Variants in IPP observed in about 807,000 individuals in gnomAD.
IPP encodes actin-binding protein IPP.
Under a neutral mutation model 64.1 loss-of-function variants are expected in IPP, and 41 were observed. That is an observed-to-expected ratio of 0.64 (90% CI 0.50 to 0.83). IPP has a LOEUF of 0.83. Ranked by LOEUF, IPP falls within the 40% of genes least tolerant of loss-of-function variation. The pLI, the probability that IPP is intolerant of heterozygous loss-of-function variation, is 0.00. For synonymous variants in IPP, 214 were observed against 235.2 expected, an observed-to-expected ratio of 0.91 and a Z score of 0.83; for missense variants, 649 against 703.0, an observed-to-expected ratio of 0.92 and a Z score of 0.87.
intron 8 of IPP, among the ~76,000 whole-genome samples, chr1:45,713,105 AAGAATCT>A (rs984677395): frequency 2.6e-5 from 4 of 152,186 alleles, no homozygotes; most frequent in African/African-American, 9.6e-5. Context: ...CTTCCACTTT[AAGAATCT>A]AGAAAAAAAG....
intron 7 of IPP, 26 bp downstream of exon 7, chr1:45,716,869 G>A: frequency 6.3e-7 from 1 of 1,585,960 alleles, no homozygotes; most frequent in East Asian, 2.3e-5. Flanking sequence ...TACATTTTGA[G>A]GAAAAATATT....
intron 5 of IPP, among the ~76,000 whole-genome samples, chr1:45,724,821 G>A (rs1000860229): frequency 1.3e-5 from 2 of 150,438 alleles, no homozygotes; most frequent in Non-Finnish European, 3.0e-5. Context: ...CCCTCCGTCC[G>A]GCAGCCACCC....
chr1:45,744,561 C>T (rs1646109751), intron 2 of IPP, among the ~76,000 whole-genome samples: 1 of 152,028 alleles, frequency 6.6e-6, no homozygotes, highest in Non-Finnish European at 1.5e-5. Flanking sequence ...TTTTTTTTGG[C>T]TAGGCGTAGT....
At chr1:45,708,508 G>A (rs552474783) in intron 8 of IPP, among the ~76,000 whole-genome samples, 31 of 149,814 alleles carry the variant, frequency 2.1e-4, no homozygotes, top group Non-Finnish European at 3.4e-4. Flanking sequence ...GTGAAACCCC[G>A]TCTTTAGGAA....
intron 3 of IPP, 49 bp downstream of exon 3, chr1:45,740,852 C>T (rs1196353729): frequency 4.2e-6 from 5 of 1,190,604 alleles, no homozygotes; most frequent in Admixed American, 4.8e-5. Flanking sequence ...TCAGAGAACA[C>T]ATCACTGGAT....
chr1:45,698,545 C>A (rs371791189), downstream of IPP, among the ~76,000 whole-genome samples: 23 of 152,176 alleles, frequency 1.5e-4, no homozygotes, highest in African/African-American at 5.5e-4. Context: ...GAAGTACCTA[C>A]AATTTAGCCC....
chr1:45,702,025 A>G (rs1463784008), intron 8 of IPP, among the ~76,000 whole-genome samples: 2 of 152,236 alleles, frequency 1.3e-5, no homozygotes, highest in Non-Finnish European at 2.9e-5. Flanking sequence ...ACTGAAAAAT[A>G]CTTACATTTT....
chr1:45,717,792 C>T (rs368406239), intron 6 of IPP, among the ~76,000 whole-genome samples: 1 of 152,230 alleles, frequency 6.6e-6, no homozygotes, highest in South Asian at 2.1e-4. Flanking sequence ...GGATTACAGG[C>T]GTAAGCCACC....
chr1:45,744,732 G>A (rs555070964), intron 2 of IPP, among the ~76,000 whole-genome samples: 32 of 151,600 alleles, frequency 2.1e-4, no homozygotes, highest in South Asian at 1.0e-3. Context: ...CCAGCTACTC[G>A]GGAGGCTGAG....
chr1:45,725,053 C>A (rs1317524948), intron 5 of IPP, among the ~76,000 whole-genome samples: 7 of 139,818 alleles, frequency 5.0e-5, no homozygotes, highest in African/African-American at 1.9e-4. Flanking sequence ...CCGCCCCGTC[C>A]GGGAGGGAGG....
chr1:45,703,611 C>T (rs1207480402), intron 8 of IPP, among the ~76,000 whole-genome samples: 1 of 151,734 alleles, frequency 6.6e-6, no homozygotes, highest in African/African-American at 2.4e-5. Context: ...TAAAGAAGTC[C>T]TGTGGTAAAG....
chr1:45,738,854 A>C (rs28508337), intron 3 of IPP, among the ~76,000 whole-genome samples: 140 of 107,144 alleles, frequency 1.3e-3, no homozygotes, highest in South Asian at 1.7e-3. Flanking sequence ...AAAAAAAAAA[A>C]AAAAAAAAAA....
chr1:45,727,299 C>T (rs985745238), intron 5 of IPP, among the ~76,000 whole-genome samples: 5 of 152,168 alleles, frequency 3.3e-5, no homozygotes, highest in African/African-American at 9.7e-5. Context: ...ATCCGCCTGC[C>T]TTGGCTTCCA....
intron 5 of IPP, among the ~76,000 whole-genome samples, chr1:45,723,940 T>G (rs1362065342): frequency 6.6e-6 from 1 of 151,816 alleles, no homozygotes; most frequent in Non-Finnish European, 1.5e-5. Context: ...GGCAGGAGAA[T>G]CACTTGAGCT....
intron 6 of IPP, among the ~76,000 whole-genome samples, chr1:45,717,376 T>C (rs1369291548): frequency 6.6e-6 from 1 of 152,202 alleles, no homozygotes; most frequent in Non-Finnish European, 1.5e-5. Flanking sequence ...AAATTACTTC[T>C]GGCTATTTAG....
At chr1:45,716,549 T>C (rs1645662320) in intron 7 of IPP, among the ~76,000 whole-genome samples, 1 of 152,166 alleles carries the variant, frequency 6.6e-6, no homozygotes, top group South Asian at 2.1e-4. Flanking sequence ...CCAAAAACTG[T>C]TTCTGATACT....
At chr1:45,732,351 G>A in intron 3 of IPP, among the ~76,000 whole-genome samples, 1 of 81,326 alleles carries the variant, frequency 1.2e-5, no homozygotes, top group Admixed American at 1.7e-4. Flanking sequence ...AAAAGAGCGA[G>A]ACTCCACCTC....
chr1:45,746,224 G>A lies in IPP; in HGVS notation c.188C>T (p.Ala63Val). 1.2e-6 allele frequency: 2 copies of A among 1,614,158 alleles called. No individual in the cohort carries two copies. Among genetic ancestry groups the A allele is most frequent in the Non-Finnish European group, 1.7e-6 (2 of 1,179,990 alleles). Residue 63 changes from alanine (A) to valine (V), a missense_variant, in exon 2 of 9, where the codon GCA (alanine) becomes GTA (valine). Coordinates refer to ENST00000396478, the MANE Select transcript of IPP (RefSeq NM_005897.3). Reference sequence around the variant, plus strand: ...TTTCATTCCTCCAGTGAACAAAGCTGCAAAGTAAGGACTGCTGGCAGCCAA... The same window carrying A: ...TTTCATTCCTCCAGTGAACAAAGCTACAAAGTAAGGACTGCTGGCAGCCAA... ...LVLAASSPYF[A>V]ALFTGGMKES...
At chr1:45,726,393 G>T (rs1433963392) in intron 5 of IPP, among the ~76,000 whole-genome samples, 1 of 152,052 alleles carries the variant, frequency 6.6e-6, no homozygotes, top group African/African-American at 2.4e-5. Flanking sequence ...GGGAGGTGGA[G>T]GTTGTGGTGA....
Sources: allele counts gnomAD v4.1 joint callset (sites outside exome capture counted in the v4.1 genomes callset), GRCh38; gene constraint gnomAD v4.1.1; transcripts MANE v1.5; gene names NCBI Gene and HGNC (gene_info 2026-07-23, HGNC 2026-07-21).